Variants in RPL5 observed in about 807,000 individuals in gnomAD.
The protein encoded by RPL5 is large ribosomal subunit protein uL18.
In RPL5, 1 loss-of-function variant was observed where a neutral mutation model predicts 38.4. The observed-to-expected ratio is 0.03, with a 90% CI of 0.01 to 0.12. The LOEUF (loss-of-function observed/expected upper bound fraction) is 0.12, where lower values mean the gene tolerates loss of function less well. RPL5 is among the 10% of genes least tolerant of loss of function. RPL5 has a pLI of 1.00. For synonymous variants in RPL5, 109 were observed against 121.2 expected, an observed-to-expected ratio of 0.90 and a Z score of 0.66; for missense variants, 243 against 374.1, an observed-to-expected ratio of 0.65 and a Z score of 2.89.
In RPL5 at chr1:92,837,321, C is replaced by T. The variant is rs1687169593; in HGVS notation, c.528-135C>T. On this transcript the variant is annotated intron_variant, in intron 5 of 7. Coordinates refer to ENST00000370321, the MANE Select transcript of RPL5 (RefSeq NM_000969.5). ...GATGATATCCCACTAACTGAGCAGT[C>T]AGTAGTTGGTCCTTTGGTTGCATAT... is the stretch of plus-strand genomic sequence containing the variant. The T allele has an allele frequency of 3.7e-6, 3 of 804,590 alleles. No homozygotes were observed. In the East Asian group the frequency reaches 7.3e-5, roughly 20 times the overall value. The allele number at this position is 804,590 out of a possible 1,614,324, so 49.8% of individuals were successfully genotyped here.
intron 3 of RPL5, 195 bp downstream of exon 3, chr1:92,833,855 A>G (rs1687012924): frequency 3.4e-6 from 2 of 586,992 alleles, no homozygotes; most frequent in Non-Finnish European, 6.0e-6. Context: ...GGTTGCGCTC[A>G]TGCCTGTAAT....
chr1:92,833,118 A>C (rs763520381), intron 1 of RPL5: 20 of 688,442 alleles, frequency 2.9e-5, no homozygotes, highest in Non-Finnish European at 4.8e-5. Context: ...GTTAAATGTA[A>C]TAAATTGGGG....
chr1:92,841,257 TATATGA>T (rs1438341540), intron 7 of RPL5, among the ~76,000 whole-genome samples: 6 of 152,240 alleles, frequency 3.9e-5, no homozygotes, highest in Non-Finnish European at 5.9e-5. Context: ...TTTTAGATTC[TATATGA>T]ATATGAAGTA....
chr1:92,840,977 G>T (rs533555644), intron 7 of RPL5: 1 of 418,648 alleles, frequency 2.4e-6, no homozygotes, highest in Non-Finnish European at 4.6e-6. Flanking sequence ...GTGATGTGAT[G>T]GCCCACAAAT....
intron 1 of RPL5, 39 bp from the exon 2 acceptor site, chr1:92,833,350 A>G (rs1571023797): frequency 2.0e-6 from 3 of 1,486,502 alleles, no homozygotes; most frequent in South Asian, 2.3e-5. Flanking sequence ...ATCATAGGCT[A>G]AGACATCAAA....
At chr1:92,832,562 G>A (rs1302622594) in intron 1 of RPL5, among the ~76,000 whole-genome samples, 1 of 152,212 alleles carries the variant, frequency 6.6e-6, no homozygotes, top group East Asian at 1.9e-4. Flanking sequence ...GAATGTCGGA[G>A]CCGGCAAGTC....
intron 3 of RPL5, among the ~76,000 whole-genome samples, chr1:92,834,458 C>T (rs1028555609): frequency 2.6e-5 from 4 of 152,088 alleles, no homozygotes; most frequent in African/African-American, 9.7e-5. Flanking sequence ...GGTAGGCACA[C>T]CTGTTTCCTG....
At chr1:92,834,504 C>T (rs1043183947) in intron 3 of RPL5, among the ~76,000 whole-genome samples, 3 of 152,180 alleles carry the variant, frequency 2.0e-5, no homozygotes, top group East Asian at 1.9e-4. Flanking sequence ...GCATTGTCTT[C>T]CTCCGTACCC....
intron 1 of RPL5, chr1:92,832,374 A>G (rs1038660699): frequency 4.8e-6 from 3 of 623,864 alleles, no homozygotes; most frequent in African/African-American, 3.6e-5. Flanking sequence ...AGTTTAGTAG[A>G]CAGCCTGAGT....
intron 1 of RPL5, 150 bp from the exon 2 acceptor site, chr1:92,833,239 C>T: frequency 7.3e-6 from 5 of 688,548 alleles, no homozygotes; most frequent in South Asian, 5.1e-5. Flanking sequence ...GATTCTTGAC[C>T]CTAGTTGCTT....
At chr1:92,832,835 TG>T in intron 1 of RPL5, 1 of 600,386 alleles carries the variant, frequency 1.7e-6, no homozygotes. Flanking sequence ...AATGTGCTCT[TG>T]CCCAGTTAAG....
rs755878194 is a variant in RPL5 at position 92,832,061 on chromosome 1, C to T, written c.-54C>T. On this transcript the variant is annotated 5_prime_UTR_variant, in exon 1 of 8. Coordinates refer to ENST00000370321, the MANE Select transcript of RPL5 (RefSeq NM_000969.5). ...TGGCCCTTTTCCCACCCCCTAGCGC[C>T]GCTGGGCCTGCAGGTCTCTGTCGAG... 344 of 1,612,482 alleles carry T rather than the reference C, an allele frequency of 2.1e-4. No individual in the cohort carries two copies. Among genetic ancestry groups the T allele is most frequent in the Non-Finnish European group, 2.8e-4 (328 of 1,179,420 alleles).
At chr1:92,839,077 T>C (rs1161988773) in intron 6 of RPL5, among the ~76,000 whole-genome samples, 2 of 145,624 alleles carry the variant, frequency 1.4e-5, no homozygotes, top group Non-Finnish European at 3.0e-5. Flanking sequence ...AAAATTGCCC[T>C]GGCGGGGCAT....
chr1:92,838,362 C>T (rs1229227066), intron 6 of RPL5, among the ~76,000 whole-genome samples: 1 of 152,164 alleles, frequency 6.6e-6, no homozygotes, highest in Non-Finnish European at 1.5e-5. Context: ...TTACTTATGA[C>T]TTCATCCTGG....
At chr1:92,835,517 A>T (rs1234088653) in intron 4 of RPL5, among the ~76,000 whole-genome samples, 1 of 151,524 alleles carries the variant, frequency 6.6e-6, no homozygotes, top group Non-Finnish European at 1.5e-5. Flanking sequence ...AAAAAAAGCC[A>T]GGCATGATGG....
chr1:92,833,969 A>G lies in RPL5; in HGVS notation c.189+309A>G, dbSNP rs576892621. Reference sequence around the variant, plus strand: ...AAAAATGTAAGAAAATTAGCTGGGCATGGCGGGGCGCACCTGTAGTCCCAG... The same window carrying G: ...AAAAATGTAAGAAAATTAGCTGGGCGTGGCGGGGCGCACCTGTAGTCCCAG... On this transcript the variant is annotated intron_variant, in intron 3 of 7. Transcript: ENST00000370321. 3 of 361,882 alleles carry G rather than the reference A, an allele frequency of 8.3e-6. No individual in the cohort carries two copies. The highest frequency in any genetic ancestry group is 4.8e-5 in the South Asian group (2 of 42,000). 22.4% of individuals were successfully genotyped at this position (361,882 alleles called of 1,614,324 possible). A position where few individuals can be genotyped will look rare whatever the true frequency, so the allele number is the denominator to read the frequency against.
intron 2 of RPL5, 42 bp from the exon 3 acceptor site, chr1:92,833,503 A>C (rs1485326686): frequency 1.2e-6 from 2 of 1,611,738 alleles, no homozygotes; most frequent in Non-Finnish European, 1.7e-6. Context: ...TGCTTTGCAG[A>C]TGCAGTGGAG....
intron 3 of RPL5, among the ~76,000 whole-genome samples, 200 bp from the exon 4 acceptor site, chr1:92,834,579 A>G (rs1687043260): frequency 6.6e-6 from 1 of 152,218 alleles, no homozygotes; most frequent in African/African-American, 2.4e-5. Context: ...TTAGTTCAAA[A>G]GATGATTGAA....
intron 4 of RPL5, 24 bp downstream of exon 4, chr1:92,834,937 G>C (rs1305111596): frequency 5.0e-6 from 8 of 1,599,764 alleles, no homozygotes; most frequent in Non-Finnish European, 5.9e-6. Context: ...GATTTTAATT[G>C]ATGTAGTTTG....
Sources: gnomAD v4.1 joint callset for allele counts (sites outside exome capture counted in the v4.1 genomes callset) on GRCh38, gnomAD v4.1.1 for gene constraint, MANE v1.5 for transcripts, NCBI Gene and HGNC (gene_info 2026-07-23, HGNC 2026-07-21) for gene names.